The following SV2B variants were observed in gnomAD, a reference collection of about 807,000 sequenced individuals.
The protein encoded by SV2B is solute carrier family 22 member B2.
Under a neutral mutation model 73.9 loss-of-function variants are expected in SV2B, and 41 were observed. The observed-to-expected ratio is 0.56, with a 90% CI of 0.43 to 0.72. The LOEUF (loss-of-function observed/expected upper bound fraction) is 0.72, where lower values mean the gene tolerates loss of function less well. Ranked by LOEUF, SV2B falls within the 30% of genes least tolerant of loss-of-function variation. The probability of loss-of-function intolerance (pLI) is 0.00; values close to 1 mark genes in which losing one functional copy is unlikely to be tolerated. For synonymous variants in SV2B, 314 were observed against 314.2 expected (o/e 1.00, Z 0.01); for missense variants, 764 against 857.8 (o/e 0.89, Z 1.37).
intron 9 of SV2B, among the ~76,000 whole-genome samples, chr15:91,274,815 G>C (rs1245177976): frequency 6.6e-6 from 1 of 152,070 alleles, no homozygotes; most frequent in Non-Finnish European, 1.5e-5. Flanking sequence ...CTTTGTTTTT[G>C]TTGTTGTTAG....
chr15:91,216,830 A>G (rs746205282), intron 1 of SV2B, among the ~76,000 whole-genome samples: 1 of 151,252 alleles, frequency 6.6e-6, no homozygotes, highest in Non-Finnish European at 1.5e-5. Flanking sequence ...TATTCAAGGC[A>G]GGGACATTCT....
Position 91,268,519 on chromosome 15 carries a change from G to GT in SV2B, c.1293dup (p.Gly432TrpfsTer2). 1 of 1,613,996 alleles carries GT rather than the reference G, an allele frequency of 6.2e-7. No homozygotes were observed. The highest frequency in any genetic ancestry group is 8.5e-7 in the Non-Finnish European group (1 of 1,179,960). ...AAGAATACAAGTCTAAAATGAAGGT[G>GT]TTTTTTGGTGAGCATGTGTACGGCG... On this transcript the variant is annotated frameshift_variant, in exon 9 of 13. Coordinates refer to ENST00000394232, the MANE Select transcript of SV2B (RefSeq NM_001323032.3). LOFTEE classifies it high-confidence loss of function. This position sits in a 1 kb window ranked among gnomAD's most constrained non-coding sequence, Gnocchi z 4.4.
At chr15:91,114,865 G>T (rs1178022727) in intron 1 of SV2B, among the ~76,000 whole-genome samples, 1 of 152,210 alleles carries the variant, frequency 6.6e-6, no homozygotes, top group Non-Finnish European at 1.5e-5. Context: ...AGCCCAGCCT[G>T]CTCCCTTGCT....
rs1204775120 is a variant in SV2B at position 91,105,520 on chromosome 15, G to A, written c.-392+5157G>A. 2.0e-5 allele frequency among the ~76,000 whole-genome samples: 3 copies of A among 152,170 alleles called. No homozygotes were observed. Among genetic ancestry groups the A allele is most frequent in the Non-Finnish European group, 4.4e-5 (3 of 68,022 alleles). Reference sequence around the variant, plus strand: ...GGAGAAGAGATCAGAGAAGTAGCAGGGAGCCAGCTAATAGAAGGTCCTGTA... The same window carrying A: ...GGAGAAGAGATCAGAGAAGTAGCAGAGAGCCAGCTAATAGAAGGTCCTGTA... On this transcript the variant is annotated intron_variant, in intron 1 of 12. Coordinates refer to ENST00000394232, the MANE Select transcript of SV2B (RefSeq NM_001323032.3). This position sits in a 1 kb window ranked among gnomAD's most constrained non-coding sequence, Gnocchi z 5.5.
chr15:91,265,956 C>G lies in SV2B; in HGVS notation c.1009-626C>G, dbSNP rs1471187376. Among the ~76,000 whole-genome samples the G allele has an allele frequency of 6.6e-6, 1 of 152,194 alleles. No individual in the cohort carries two copies. Among genetic ancestry groups the G allele is most frequent in the Non-Finnish European group, 1.5e-5 (1 of 68,032 alleles). On this transcript the variant is annotated intron_variant, in intron 6 of 12. Transcript: ENST00000394232. The surrounding 1 kb of genome is among the most constrained non-coding windows in gnomAD (Gnocchi z 4.2). ...AGGAGATGGAGACCATCCTGGCCAA[C>G]ATGGTGAAACCCTGTCTCTATTAAA...
chr15:91,250,978 A>G (rs2047460262), intron 2 of SV2B, among the ~76,000 whole-genome samples: 1 of 152,232 alleles, frequency 6.6e-6, no homozygotes, highest in Non-Finnish European at 1.5e-5. Context: ...ATAGAACCAC[A>G]AAAGATTTGG....
intron 1 of SV2B, among the ~76,000 whole-genome samples, chr15:91,211,693 AGGG>A (rs1340295108): frequency 6.6e-6 from 1 of 151,052 alleles, no homozygotes; most frequent in African/African-American, 2.4e-5. Context: ...TAGTAGAGAC[AGGG>A]TTTCACCATA....
At chr15:91,221,693 G>A (rs868196902) in intron 1 of SV2B, among the ~76,000 whole-genome samples, 27 of 140,158 alleles carry the variant, frequency 1.9e-4, no homozygotes, top group South Asian at 1.2e-3. Context: ...AAGCATGTGC[G>A]CACACACACA....
chr15:91,114,183 C>CAAA (rs11372573), intron 1 of SV2B, among the ~76,000 whole-genome samples: 37 of 55,960 alleles, frequency 6.6e-4, no homozygotes, highest in South Asian at 1.3e-3. Context: ...GACTCCATCT[C>CAAA]AAAAAAAAAA....
chr15:91,210,543 A>T (rs568410713), intron 1 of SV2B, among the ~76,000 whole-genome samples: 14 of 152,134 alleles, frequency 9.2e-5, no homozygotes, highest in Non-Finnish European at 1.9e-4. Flanking sequence ...CTGCTCTCAG[A>T]CTTGCATCTG....
At position 91,116,504 on chromosome 15, in the gene SV2B, C is replaced by A. The variant is rs144172199; in HGVS notation, c.-392+16141C>A. Among the ~76,000 whole-genome samples the A allele has an allele frequency of 1.8e-4, 28 of 152,254 alleles. No individual in the cohort carries two copies. In the East Asian group the frequency reaches 4.6e-3, roughly 25 times the overall value. On this transcript the variant is annotated intron_variant, in intron 1 of 12. Coordinates refer to ENST00000394232, the MANE Select transcript of SV2B (RefSeq NM_001323032.3). ...GGTGTGCTCTGCATCCCGTGCAGAA[C>A]GTTGTATGACTGCACTTCACAATGA...
At chr15:91,260,170 G>A (rs2047857002) in intron 5 of SV2B, 150 bp from the exon 6 acceptor site, 3 of 606,460 alleles carry the variant, frequency 4.9e-6, no homozygotes, top group Non-Finnish European at 8.6e-6. Context: ...ACAGGTCCTA[G>A]ATGGTAATGA....
In SV2B at chr15:91,115,675, C is replaced by A. The variant is rs1746505024; in HGVS notation, c.-392+15312C>A. 6.6e-6 allele frequency among the ~76,000 whole-genome samples: 1 copy of A among 152,078 alleles called. No homozygotes were observed. Among genetic ancestry groups the A allele is most frequent in the African/African-American group, 2.4e-5 (1 of 41,398 alleles). On this transcript the variant is annotated intron_variant, in intron 1 of 12. Transcript: ENST00000394232. The surrounding 1 kb of genome is among the most constrained non-coding windows in gnomAD (Gnocchi z 4.3). ...TACAGGTGTGAGCCACTGCGCCTGGCCTTCCTTATTTTTTTCTAAGGGGTT... is the reference window on the plus strand; with the variant it reads ...TACAGGTGTGAGCCACTGCGCCTGGACTTCCTTATTTTTTTCTAAGGGGTT...
intron 1 of SV2B, among the ~76,000 whole-genome samples, chr15:91,208,548 T>A (rs2045729297): frequency 6.6e-6 from 1 of 152,228 alleles, no homozygotes; most frequent in Non-Finnish European, 1.5e-5. Context: ...GGACCCTGGA[T>A]GATGCCTGAT....
intron 5 of SV2B, among the ~76,000 whole-genome samples, chr15:91,259,968 T>G (rs1234058335): frequency 6.6e-6 from 1 of 152,222 alleles, no homozygotes; most frequent in Non-Finnish European, 1.5e-5. Context: ...ATTCAACCTG[T>G]AACATGTTGC....
rs1239813695 is a variant in SV2B at position 91,220,402 on chromosome 15, A to G, written c.-391-5471A>G. 6.6e-6 allele frequency among the ~76,000 whole-genome samples: 1 copy of G among 152,254 alleles called. No individual in the cohort carries two copies. The highest frequency in any genetic ancestry group is 2.4e-5 in the African/African-American group (1 of 41,466). On this transcript the variant is annotated intron_variant, in intron 1 of 12. Transcript: ENST00000394232. This position sits in a 1 kb window ranked among gnomAD's most constrained non-coding sequence, Gnocchi z 4.1. ...GTGCATTGTGCATTTCTGAAAGAGAATAGTGAATAGAAGATGCAGTGTTTC... is the reference window on the plus strand; with the variant it reads ...GTGCATTGTGCATTTCTGAAAGAGAGTAGTGAATAGAAGATGCAGTGTTTC...
intron 1 of SV2B, among the ~76,000 whole-genome samples, chr15:91,142,594 G>A (rs1437608481): frequency 1.3e-5 from 2 of 152,160 alleles, no homozygotes; most frequent in Non-Finnish European, 2.9e-5. Flanking sequence ...AGAAGGGGAA[G>A]GAAGGGAACT....
At position 91,266,650 on chromosome 15, in the gene SV2B, G is replaced by A. The variant is rs2048113698; in HGVS notation, c.1077G>A (p.Trp359Ter). Reference sequence around the variant, plus strand: ...AGATCCAAAGTTCAACAGGAACCTGGTACCAGCGCTGGCTGGTCAGATTCA... The same window carrying A: ...AGATCCAAAGTTCAACAGGAACCTGATACCAGCGCTGGCTGGTCAGATTCA... ...FIEIQSSTGT[W>*]YQRWLVRFKT... Residue 359 changes from tryptophan (W) to a stop codon, truncating the protein, a stop_gained, in exon 7 of 13, where the codon TGG (tryptophan) becomes TGA (stop). Coordinates refer to ENST00000394232, the MANE Select transcript of SV2B (RefSeq NM_001323032.3). LOFTEE classifies it high-confidence loss of function. 6.2e-7 allele frequency: 1 copy of A among 1,614,096 alleles called. No homozygotes were observed. The highest frequency in any genetic ancestry group is 8.5e-7 in the Non-Finnish European group (1 of 1,180,008).
rs1474839622 is a variant in SV2B at position 91,128,633 on chromosome 15, A to T, written c.-392+28270A>T. On this transcript the variant is annotated intron_variant, in intron 1 of 12. Transcript: ENST00000394232. This position sits in a 1 kb window ranked among gnomAD's most constrained non-coding sequence, Gnocchi z 4.2. ...ACTTTTTCCCCAAAGCCAGCCATAA[A>T]ACCTAAAAATACTACTCCCACTTCC... The T allele has an allele frequency of 6.6e-6, 1 of 152,224 alleles. No homozygotes were observed. The highest frequency in any genetic ancestry group is 6.5e-5 in the Admixed American group (1 of 15,280). 9.4% of individuals were successfully genotyped at this position (152,224 alleles called of 1,614,324 possible). A position where few individuals can be genotyped will look rare whatever the true frequency, so the allele number is the denominator to read the frequency against.
Sources: gnomAD v4.1 joint callset for allele counts (sites outside exome capture counted in the v4.1 genomes callset) on GRCh38, gnomAD v4.1.1 for gene constraint, Gnocchi (gnomAD v3.1) non-coding constraint, MANE v1.5 for transcripts, NCBI Gene and HGNC (gene_info 2026-07-23, HGNC 2026-07-21) for gene names.